TNR: variants seen among roughly 807,000 people sequenced by gnomAD.
TNR encodes tenascin-R.
TNR carries 45 observed loss-of-function variants against 150.4 expected under a neutral mutation model. The observed-to-expected ratio is 0.30, with a 90% CI of 0.24 to 0.38. The LOEUF (loss-of-function observed/expected upper bound fraction) is 0.38. TNR is among the 10% of genes least tolerant of loss of function. The probability of loss-of-function intolerance (pLI) is 1.00; values close to 1 mark genes in which losing one functional copy is unlikely to be tolerated. For synonymous variants in TNR, 687 were observed against 678.4 expected, an observed-to-expected ratio of 1.01 and a Z score of -0.20; for missense variants, 1,544 against 1,759.1, an observed-to-expected ratio of 0.88 and a Z score of 2.19.
chr1:175,707,824 A>G (rs751249715), intron 1 of TNR, among the ~76,000 whole-genome samples: 1 of 152,142 alleles, frequency 6.6e-6, no homozygotes, highest in African/African-American at 2.4e-5. Flanking sequence ...AGTTAAAATT[A>G]TTTACTAAAT....
At chr1:175,624,334 G>A (rs760619739) in intron 1 of TNR, among the ~76,000 whole-genome samples, 5 of 152,222 alleles carry the variant, frequency 3.3e-5, no homozygotes, top group African/African-American at 1.2e-4. Flanking sequence ...TGTTATTCCT[G>A]GAGCTTCAGA....
intron 2 of TNR, among the ~76,000 whole-genome samples, chr1:175,502,465 T>G (rs926572815): frequency 6.6e-6 from 1 of 152,162 alleles, no homozygotes; most frequent in African/African-American, 2.4e-5. Flanking sequence ...TCGGGGCTCC[T>G]TGCCTCAAAT....
At chr1:175,635,997 C>CTCA (rs1664480406) in intron 1 of TNR, among the ~76,000 whole-genome samples, 2 of 152,156 alleles carry the variant, frequency 1.3e-5, no homozygotes, top group Non-Finnish European at 2.9e-5. Flanking sequence ...TTAGGCTAGT[C>CTCA]TCAGGCCATA....
intron 10 of TNR, 104 bp downstream of exon 10, chr1:175,367,104 T>C (rs991184949): frequency 5.1e-5 from 49 of 964,404 alleles, no homozygotes. Flanking sequence ...CCCTGTTCAC[T>C]GGAAGACATT....
intron 22 of TNR, 133 bp from the exon 23 acceptor site, chr1:175,323,609 G>T: frequency 7.8e-7 from 1 of 1,287,890 alleles, no homozygotes; most frequent in Non-Finnish European, 1.1e-6. Flanking sequence ...GAAGCTTCAA[G>T]GCCGAGTTCC....
chr1:175,398,663 A>G (rs10489315), intron 4 of TNR, among the ~76,000 whole-genome samples: 56,547 of 152,066 alleles, frequency 0.37, 10,875 homozygotes, highest in East Asian at 0.54. Flanking sequence ...GGATTAAGGT[A>G]TCATTATTAC....
chr1:175,627,325 A>AAG (rs1664185377), intron 1 of TNR, among the ~76,000 whole-genome samples: 1 of 152,206 alleles, frequency 6.6e-6, no homozygotes, highest in Admixed American at 6.5e-5. Flanking sequence ...TCTGATCCTT[A>AAG]GATCAGAGTT....
intron 1 of TNR, among the ~76,000 whole-genome samples, chr1:175,659,739 A>G (rs182636539): frequency 1.3e-5 from 2 of 152,190 alleles, no homozygotes; most frequent in Non-Finnish European, 2.9e-5. Flanking sequence ...GCTGACGTCT[A>G]TACACTCTAG....
At position 175,649,659 on chromosome 1, in the gene TNR, C is replaced by T. The variant is rs1362992667; in HGVS notation, c.-165+93567G>A. 3.3e-5 allele frequency among the ~76,000 whole-genome samples: 5 copies of T among 152,298 alleles called. No homozygotes were observed. The East Asian group carries it at 5.8e-4, about 18-fold the overall frequency. ...CATCACTTCTTCACAGCCCGGCCCC[C>T]GGTTCCATGGGAGACCACTGCCTTC... is the stretch of plus-strand genomic sequence containing the variant. On this transcript the variant is annotated intron_variant, in intron 1 of 22. Coordinates refer to ENST00000367674, the MANE Select transcript of TNR (RefSeq NM_003285.3).
At chr1:175,337,436 G>A in intron 19 of TNR, 92 bp downstream of exon 19, 2 of 1,484,898 alleles carry the variant, frequency 1.3e-6, no homozygotes, top group South Asian at 2.4e-5. Context: ...GGATGGCCAG[G>A]AGGATGGTGA....
At chr1:175,624,100 T>C (rs938373543) in intron 1 of TNR, among the ~76,000 whole-genome samples, 1 of 152,226 alleles carries the variant, frequency 6.6e-6, no homozygotes, top group Non-Finnish European at 1.5e-5. Flanking sequence ...GTGTATAGAA[T>C]TCCACCTTCA....
intron 1 of TNR, among the ~76,000 whole-genome samples, chr1:175,658,475 G>A (rs1426594144): frequency 6.6e-6 from 1 of 152,138 alleles, no homozygotes; most frequent in Non-Finnish European, 1.5e-5. Flanking sequence ...CTGTGCTGAG[G>A]GCAAAGTAAA....
At chr1:175,677,946 G>T (rs546756373) in intron 1 of TNR, among the ~76,000 whole-genome samples, 1 of 152,242 alleles carries the variant, frequency 6.6e-6, no homozygotes, top group African/African-American at 2.4e-5. Flanking sequence ...CTAGGAGTAA[G>T]TGCCAGCAGG....
At chr1:175,602,797 A>G (rs1002439841) in intron 1 of TNR, among the ~76,000 whole-genome samples, 1 of 152,254 alleles carries the variant, frequency 6.6e-6, no homozygotes, top group Non-Finnish European at 1.5e-5. Flanking sequence ...TTCAGGTTAC[A>G]TGACTTCATT....
chr1:175,621,240 A>G (rs10798409), intron 1 of TNR, among the ~76,000 whole-genome samples: 72,242 of 152,042 alleles, frequency 0.48, 18,355 homozygotes, highest in African/African-American at 0.68. Flanking sequence ...GTCTACATCT[A>G]TCTGCGCTCT....
chr1:175,619,234 C>T (rs952686468), intron 1 of TNR, among the ~76,000 whole-genome samples: 1 of 152,078 alleles, frequency 6.6e-6, no homozygotes, highest in Non-Finnish European at 1.5e-5. Flanking sequence ...GCTGGGCAAC[C>T]ATGAGAGCAA....
At chr1:175,594,243 T>C (rs1389696513) in intron 1 of TNR, among the ~76,000 whole-genome samples, 1 of 152,114 alleles carries the variant, frequency 6.6e-6, no homozygotes, top group Non-Finnish European at 1.5e-5. Flanking sequence ...CTGAGCATTT[T>C]TTTTTTCAGT....
At position 175,379,678 on chromosome 1, in the gene TNR, C is replaced by G. The variant is rs775359615; in HGVS notation, c.1837G>C (p.Glu613Gln). ...GSRTATSLDL[E>Q]WDNSEAEVQE... ...ACTTCGGCTTCACTGTTATCCCACTCGAGGTCAAGGCTGGTTGCTGTGCGA... is the reference window on the plus strand; with the variant it reads ...ACTTCGGCTTCACTGTTATCCCACTGGAGGTCAAGGCTGGTTGCTGTGCGA... The change falls in exon 9 of 23, where the codon GAG becomes CAG. Residue 613 changes from glutamate (E) to glutamine (Q), a missense_variant. Physicochemically the swap from Glu to Gln is conservative, Grantham distance 29. Transcript: ENST00000367674. 8 of 1,614,194 alleles carry G rather than the reference C, an allele frequency of 5.0e-6. 1 individual carries two copies. In the South Asian group the frequency reaches 8.8e-5, roughly 18 times the overall value.
chr1:175,428,107 G>A (rs1655096621), intron 2 of TNR, among the ~76,000 whole-genome samples: 2 of 152,200 alleles, frequency 1.3e-5, no homozygotes, highest in East Asian at 1.9e-4. Context: ...ACCTCAAGAT[G>A]TGTAAGTTGG....
Sources: gnomAD v4.1 joint callset for allele counts (sites outside exome capture counted in the v4.1 genomes callset) on GRCh38, gnomAD v4.1.1 for gene constraint, MANE v1.5 for transcripts, NCBI Gene and HGNC (gene_info 2026-07-23, HGNC 2026-07-21) for gene names.